Variants in SUSD1 observed in about 807,000 individuals in gnomAD.
The protein encoded by SUSD1 is sushi domain containing 1, also known as sushi domain-containing protein 1.
Under a neutral mutation model 86.9 loss-of-function variants are expected in SUSD1, and 65 were observed. That is an observed-to-expected ratio of 0.75 (90% CI 0.61 to 0.92). The LOEUF (loss-of-function observed/expected upper bound fraction) is 0.92, where lower values mean the gene tolerates loss of function less well. Ranked by LOEUF, SUSD1 falls within the 40% of genes least tolerant of loss-of-function variation. The pLI is 0.00. For synonymous variants in SUSD1, 346 were observed against 350.0 expected (o/e 0.99, Z 0.13); for missense variants, 850 against 929.7 (o/e 0.91, Z 1.11).
At chr9:112,101,783 T>C (rs1351172266) in intron 9 of SUSD1, among the ~76,000 whole-genome samples, 1 of 152,032 alleles carries the variant, frequency 6.6e-6, no homozygotes. Context: ...GAGGCAGAGA[T>C]TGCAGTGAGC....
chr9:112,062,299 A>T (rs1828764319), intron 13 of SUSD1, among the ~76,000 whole-genome samples: 1 of 152,232 alleles, frequency 6.6e-6, no homozygotes, highest in African/African-American at 2.4e-5. Flanking sequence ...GACAATCCTG[A>T]CATGTCCTAA....
rs377183187 is a variant in SUSD1, at chr9:112,078,633, C to T, written c.1658G>A (p.Cys553Tyr). 6.0e-5 allele frequency: 97 copies of T among 1,613,950 alleles called. No homozygotes were observed. The highest frequency in any genetic ancestry group is 4.3e-4 in the African/African-American group (32 of 74,886). Residue 553 changes from cysteine (C) to tyrosine (Y), a missense_variant, in exon 12 of 17, where the codon TGC becomes TAC. Physicochemically the swap from Cys to Tyr is radical, Grantham distance 194. Transcript: ENST00000374270. ...ISSSSRDPEV[C>Y]LDLRPGTNYN... ...GTTGGTACCCGGACGTAGGTCCAAGCACACCTCGGGATCTCGGCTGCTGCT... is the reference window on the plus strand; with the variant it reads ...GTTGGTACCCGGACGTAGGTCCAAGTACACCTCGGGATCTCGGCTGCTGCT...
At chr9:112,168,182 C>T (rs2131857106) in intron 1 of SUSD1, among the ~76,000 whole-genome samples, 1 of 152,294 alleles carries the variant, frequency 6.6e-6, no homozygotes, top group Non-Finnish European at 1.5e-5. Context: ...CACTCAACGA[C>T]TCTTTGTTAA....
intron 3 of SUSD1, among the ~76,000 whole-genome samples, chr9:112,147,741 C>A (rs1343806517): frequency 1.3e-5 from 2 of 152,202 alleles, no homozygotes; most frequent in African/African-American, 4.8e-5. Context: ...TGCACTCCAG[C>A]CTGGGCAACA....
chr9:112,097,018 A>AC (rs1564290448), intron 10 of SUSD1, among the ~76,000 whole-genome samples: 1 of 113,800 alleles, frequency 8.8e-6, no homozygotes, highest in African/African-American at 3.3e-5. Flanking sequence ...GCTCAATCTG[A>AC]TAAAAAAAAT....
intron 7 of SUSD1, chr9:112,112,103 G>T: frequency 2.9e-6 from 1 of 340,162 alleles, no homozygotes; most frequent in Non-Finnish European, 5.3e-6. Context: ...TGCAACCTGA[G>T]GACCATTGGC....
rs371597975 is a variant in SUSD1 at position 112,089,681 on chromosome 9, A to G, written c.1474+8789T>C. On this transcript the variant is annotated intron_variant, in intron 10 of 16. Transcript: ENST00000374270. ...ACAAAAATTAGCTGGGCGTGGTGGT[A>G]CATGCCTGTAGTCCCATCTACTCGG... is the stretch of plus-strand genomic sequence containing the variant. 5.3e-5 allele frequency among the ~76,000 whole-genome samples: 8 copies of G among 151,952 alleles called. 1 individual carries two copies. Among genetic ancestry groups the G allele is most frequent in the East Asian group, 1.9e-4 (1 of 5,186 alleles).
rs140621564 is a variant in SUSD1, at chr9:112,106,866, G to A, written c.1172-4581C>T. Among the ~76,000 whole-genome samples the A allele has an allele frequency of 2.7e-5, 4 of 150,842 alleles. 1 individual carries two copies. Among genetic ancestry groups the A allele is most frequent in the African/African-American group, 9.8e-5 (4 of 40,872 alleles). On this transcript the variant is annotated intron_variant, in intron 8 of 16. Coordinates refer to ENST00000374270, the MANE Select transcript of SUSD1 (RefSeq NM_022486.5). ...AATAGAATTTGTCTTTTTTAAATGTGATCACTTGTAGAAAAGAAAACAAAA... is the reference window on the plus strand; with the variant it reads ...AATAGAATTTGTCTTTTTTAAATGTAATCACTTGTAGAAAAGAAAACAAAA...
In SUSD1 at chr9:112,041,610, A is replaced by G; in HGVS notation, c.*-118T>C. 5.4e-6 allele frequency: 4 copies of G among 738,772 alleles called. No homozygotes were observed. In the East Asian group the frequency reaches 7.5e-5, roughly 14 times the overall value. The allele number at this position is 738,772 out of a possible 1,614,324, so 45.8% of individuals were successfully genotyped here. ...ATGGGAGGAGGCGAGGGGGAGCAGC[A>G]TGGAAGCTCAGCCACCCCTCTGTGT... On this transcript the variant is annotated intron_variant, in intron 16 of 16. Transcript: ENST00000374270.
chr9:112,157,741 C>G (rs1206608792), intron 1 of SUSD1, 128 bp from the exon 2 acceptor site: 3 of 584,464 alleles, frequency 5.1e-6, no homozygotes, highest in Non-Finnish European at 9.0e-6. Flanking sequence ...TAGTCTCATC[C>G]TTAAAAACCT....
intron 12 of SUSD1, among the ~76,000 whole-genome samples, chr9:112,077,567 C>G (rs886079111): frequency 5.9e-5 from 7 of 118,882 alleles, no homozygotes; most frequent in African/African-American, 2.3e-4. Flanking sequence ...GGCTGGAGTG[C>G]GATCTCAGAT....
At chr9:112,129,576 G>A (rs1831926970) in intron 5 of SUSD1, among the ~76,000 whole-genome samples, 1 of 152,216 alleles carries the variant, frequency 6.6e-6, no homozygotes, top group African/African-American at 2.4e-5. Flanking sequence ...CCCTCCCAAA[G>A]TGCTGGGATT....
At chr9:112,061,805 T>C (rs1828739560) in intron 13 of SUSD1, among the ~76,000 whole-genome samples, 2 of 152,260 alleles carry the variant, frequency 1.3e-5, no homozygotes, top group South Asian at 4.1e-4. Flanking sequence ...AATTTTATAA[T>C]ATCTCACTTT....
intron 1 of SUSD1, among the ~76,000 whole-genome samples, chr9:112,172,871 T>A (rs1418593493): frequency 1.3e-5 from 2 of 151,878 alleles, no homozygotes; most frequent in African/African-American, 2.4e-5. Flanking sequence ...CATTGTCGAC[T>A]GTCAGGAAAC....
chr9:112,114,841 G>A (rs1831245523), intron 6 of SUSD1, among the ~76,000 whole-genome samples: 1 of 152,130 alleles, frequency 6.6e-6, no homozygotes, highest in Non-Finnish European at 1.5e-5. Flanking sequence ...CCTCTGAAGG[G>A]CTGTCCAACA....
intron 10 of SUSD1, among the ~76,000 whole-genome samples, chr9:112,095,864 C>T (rs919667301): frequency 2.6e-5 from 4 of 152,162 alleles, no homozygotes; most frequent in Non-Finnish European, 5.9e-5. Flanking sequence ...TTTCACTAAA[C>T]AGATAAAGAT....
rs916289892 is a variant in SUSD1, at chr9:112,141,845, T to TTA, written c.706+473_706+474dup. Among the ~76,000 whole-genome samples the TTA allele has an allele frequency of 1.5e-3, 218 of 144,508 alleles. 1 individual carries two copies. Among genetic ancestry groups the TTA allele is most frequent in the African/African-American group, 5.0e-3 (198 of 39,834 alleles). 94.8% of individuals were successfully genotyped at this position (144,508 alleles called of 152,430 possible). Reference sequence around the variant, plus strand: ...TATATGTTATTCCCACATGACGTTTTTATATATATATGTATATATATACAT... The same window carrying TTA: ...TATATGTTATTCCCACATGACGTTTTTATATATATATATGTATATATATACAT... On this transcript the variant is annotated intron_variant, in intron 5 of 16. Transcript: ENST00000374270.
intron 2 of SUSD1, among the ~76,000 whole-genome samples, chr9:112,153,813 C>A (rs1833174641): frequency 6.6e-6 from 1 of 151,770 alleles, no homozygotes; most frequent in Non-Finnish European, 1.5e-5. Flanking sequence ...GGGGTTTCAC[C>A]ATGTTGGACA....
At position 112,078,562 on chromosome 9, in the gene SUSD1, T is replaced by C. The variant is rs914261671; in HGVS notation, c.1729A>G (p.Ile577Val). 2.5e-6 allele frequency: 4 copies of C among 1,611,778 alleles called. No individual in the cohort carries two copies. The highest frequency in any genetic ancestry group is 3.4e-6 in the Non-Finnish European group (4 of 1,178,118). ...RALSSELPVVISLTTQITEPP... is the reference protein window; with the variant it reads ...RALSSELPVVVSLTTQITEPP... The stretch of plus-strand genomic sequence containing the variant: ...CCTGTTATCTGGGTTGTCAGGGAGA[T>C]GACCACAGGAAGTTCCGAAGACAGA... The change falls in exon 12 of 17, where the codon ATC becomes GTC. Residue 577 changes from isoleucine to valine, a missense_variant. Transcript: ENST00000374270.
Sources: gnomAD v4.1 joint callset for allele counts (sites outside exome capture counted in the v4.1 genomes callset) on GRCh38, gnomAD v4.1.1 for gene constraint, MANE v1.5 for transcripts, NCBI Gene and HGNC (gene_info 2026-07-23, HGNC 2026-07-21) for gene names.